ANK3: variants seen among roughly 807,000 people sequenced by gnomAD.
The protein encoded by ANK3 is ankyrin-3.
In ANK3, 57 loss-of-function variants were observed where a neutral mutation model predicts 370.9. The observed-to-expected ratio is 0.15, with a 90% CI of 0.12 to 0.19. ANK3 has a LOEUF of 0.19. ANK3 is among the 10% of genes least tolerant of loss of function. The pLI is 1.00. For synonymous variants in ANK3, 1,929 were observed against 1,946.3 expected, an observed-to-expected ratio of 0.99 and a Z score of 0.23; for missense variants, 4,439 against 5,302.1, an observed-to-expected ratio of 0.84 and a Z score of 5.06.
intron 2 of ANK3, among the ~76,000 whole-genome samples, chr10:60,566,391 G>C (rs937999242): frequency 1.9e-4 from 29 of 152,202 alleles, no homozygotes; most frequent in African/African-American, 7.0e-4. Context: ...AGCTTAGTGA[G>C]GAAGGCATGC....
At chr10:60,569,486 T>G (rs752099008) in intron 2 of ANK3, among the ~76,000 whole-genome samples, 1 of 152,098 alleles carries the variant, frequency 6.6e-6, no homozygotes, top group Non-Finnish European at 1.5e-5. Flanking sequence ...TAGCATAAGT[T>G]GACATAAACA....
At chr10:60,509,312 T>C (rs1313111761) in intron 2 of ANK3, among the ~76,000 whole-genome samples, 2 of 152,170 alleles carry the variant, frequency 1.3e-5, no homozygotes, top group African/African-American at 4.8e-5. Flanking sequence ...TGAGCTCACA[T>C]ATTGTGTCAA....
At chr10:60,503,715 T>C (rs1191439241) in intron 2 of ANK3, among the ~76,000 whole-genome samples, 4 of 152,202 alleles carry the variant, frequency 2.6e-5, no homozygotes, top group South Asian at 2.1e-4. Context: ...AGATATCTCA[T>C]ATTCTCCTTT....
At chr10:60,711,243 C>T (rs775291732) in intron 1 of ANK3, among the ~76,000 whole-genome samples, 48 of 152,190 alleles carry the variant, frequency 3.2e-4, no homozygotes, top group Admixed American at 1.2e-3. Flanking sequence ...AGGATAAATG[C>T]TTGAGGGGAT....
intron 2 of ANK3, among the ~76,000 whole-genome samples, chr10:60,603,856 G>A (rs531334230): frequency 6.6e-6 from 1 of 152,060 alleles, no homozygotes; most frequent in East Asian, 1.9e-4. Context: ...CTATCTGTAA[G>A]AATACAGTGA....
rs1024517328 is a variant in ANK3 at position 60,196,636 on chromosome 10, A to C, written c.1690-11T>G. ...AGGAGTAAATCCTTTCTGAAAAAAA[A>C]AAAACATAAAAATAATGAACAATAG... On this transcript the variant is annotated splice_polypyrimidine_tract_variant and intron_variant, in intron 14 of 43. Transcript: ENST00000280772. 89 of 1,534,214 alleles carry C rather than the reference A, an allele frequency of 5.8e-5. No individual in the cohort carries two copies. Among genetic ancestry groups the C allele is most frequent in the Non-Finnish European group, 7.7e-5 (87 of 1,122,662 alleles).
intron 1 of ANK3, among the ~76,000 whole-genome samples, chr10:60,669,374 T>C (rs1197846678): frequency 6.6e-6 from 1 of 152,244 alleles, no homozygotes; most frequent in East Asian, 1.9e-4. Flanking sequence ...TCTGATTATC[T>C]ACTGGTGATT....
intron 23 of ANK3, chr10:60,140,597 C>T: frequency 7.2e-7 from 1 of 1,392,510 alleles, no homozygotes; most frequent in Non-Finnish European, 9.3e-7. Flanking sequence ...TTCAGGCCCC[C>T]AAAAAAATCT....
intron 1 of ANK3, among the ~76,000 whole-genome samples, chr10:60,381,224 T>C (rs1308886713): frequency 2.0e-5 from 3 of 152,188 alleles, no homozygotes; most frequent in South Asian, 4.1e-4. Flanking sequence ...TCTTTTTTTT[T>C]CCTTTTTCAA....
At chr10:60,614,481 C>A (rs746748545) in intron 2 of ANK3, among the ~76,000 whole-genome samples, 15 of 152,222 alleles carry the variant, frequency 9.9e-5, no homozygotes, top group Non-Finnish European at 1.9e-4. Flanking sequence ...CTGTCCTAAC[C>A]CTTACCTGAC....
At chr10:60,600,429 C>T (rs948946020) in intron 2 of ANK3, among the ~76,000 whole-genome samples, 1 of 152,186 alleles carries the variant, frequency 6.6e-6, no homozygotes, top group African/African-American at 2.4e-5. Flanking sequence ...TCCATGATCA[C>T]AAAACTTACA....
At chr10:60,722,016 T>C (rs1034909630) in intron 1 of ANK3, among the ~76,000 whole-genome samples, 2 of 152,044 alleles carry the variant, frequency 1.3e-5, no homozygotes, top group Non-Finnish European at 2.9e-5. Context: ...ATTACACTGA[T>C]TTTTCAAACA....
At chr10:60,123,667 T>C (rs1489091918) in intron 25 of ANK3, among the ~76,000 whole-genome samples, 1 of 152,228 alleles carries the variant, frequency 6.6e-6, no homozygotes, top group African/African-American at 2.4e-5. Flanking sequence ...GAAGGTGGTC[T>C]TGCAAATTAA....
At chr10:60,464,796 A>G (rs7096617) in intron 2 of ANK3, among the ~76,000 whole-genome samples, 36,223 of 152,088 alleles carry the variant, frequency 0.24, 4,639 homozygotes, top group East Asian at 0.48. Flanking sequence ...TTCTATGCTC[A>G]TGATATTAAA....
In ANK3 at chr10:60,263,958, C is replaced by G. The variant is rs375851106; in HGVS notation, c.576G>C (p.Leu192=). Residue 192 remains leucine, a synonymous_variant, in exon 6 of 44, where the codon CTG becomes CTC. Transcript: ENST00000280772. ...CTTTTCCTTTGGTGTCATTCTCTAG[C>G]AGGAGCGAAACGACTTGGTCGTGAC... ...QQGHDQVVSL[L]LENDTKGKVR... 3.1e-6 allele frequency: 5 copies of G among 1,614,006 alleles called. No homozygotes were observed. The African/African-American group carries it at 5.3e-5, about 17-fold the overall frequency.
rs942921085 is a variant in ANK3, at chr10:60,072,779, G to A, written c.8102C>T (p.Pro2701Leu). Reference protein sequence around the residue: ...AKGSISQSKAPDGPQSGFQLK... With the variant: ...AKGSISQSKALDGPQSGFQLK... The stretch of plus-strand genomic sequence containing the variant: ...CTGGAATCCAGACTGGGGCCCATCT[G>A]GTGCTTTGCTCTGTGAAATACTTCC... The change falls in exon 37 of 44, where the codon CCA (proline) becomes CTA (leucine). Residue 2701 changes from proline (P) to leucine (L), a missense_variant. By Grantham distance (98) the Pro-to-Leu change is moderately conservative. This residue lies in a region of ANK3 where 1,601 missense variants were observed against 1,731.7 expected (regional missense o/e 0.92). Coordinates refer to ENST00000280772, the MANE Select transcript of ANK3 (RefSeq NM_020987.5). 2 of 1,614,056 alleles carry A rather than the reference G, an allele frequency of 1.2e-6. No individual in the cohort carries two copies. The highest frequency in any genetic ancestry group is 1.7e-6 in the Non-Finnish European group (2 of 1,179,994).
At chr10:60,481,061 T>G (rs1039108167) in intron 2 of ANK3, among the ~76,000 whole-genome samples, 1 of 152,164 alleles carries the variant, frequency 6.6e-6, no homozygotes, top group South Asian at 2.1e-4. Context: ...CCCTGAGATA[T>G]TGCATCTTGT....
rs572889086 is a variant in ANK3 at position 60,686,080 on chromosome 10, A to G, written c.57+47183T>C. 1.5e-3 allele frequency among the ~76,000 whole-genome samples: 228 copies of G among 152,204 alleles called. 1 individual carries two copies. Among genetic ancestry groups the G allele is most frequent in the African/African-American group, 5.2e-3 (218 of 41,564 alleles). On this transcript the variant is annotated intron_variant, in intron 1 of 43. Transcript: ENST00000373827. ...TATGCAAATTGACAAACTGATATCA[A>G]TTTTTTCAGAAGAACAAGAATAGGT...
At chr10:60,693,195 A>G (rs1332517390) in intron 1 of ANK3, among the ~76,000 whole-genome samples, 3 of 152,206 alleles carry the variant, frequency 2.0e-5, no homozygotes, top group Admixed American at 2.0e-4. Context: ...CACTTTTCTG[A>G]TGGGCTTAAA....
Sources: allele counts gnomAD v4.1 joint callset (sites outside exome capture counted in the v4.1 genomes callset), GRCh38; gene constraint gnomAD v4.1.1; regional missense constraint gnomAD v4.1.1; transcripts MANE v1.5; gene names NCBI Gene and HGNC (gene_info 2026-07-23, HGNC 2026-07-21).